OSBPL1A: variants seen among roughly 807,000 people sequenced by gnomAD.
OSBPL1A encodes oxysterol-binding protein-related protein 1.
Under a neutral mutation model 137.1 loss-of-function variants are expected in OSBPL1A, and 80 were observed. The observed-to-expected ratio is 0.58, with a 90% CI of 0.49 to 0.70. OSBPL1A has a LOEUF of 0.70. Among genes scored for constraint, OSBPL1A ranks in the 30% least tolerant of loss-of-function variants. OSBPL1A has a pLI of 0.00. For synonymous variants in OSBPL1A, 365 were observed against 389.7 expected (o/e 0.94, Z 0.75); for missense variants, 970 against 1,129.4 (o/e 0.86, Z 2.02).
chr18:24,379,336 A>G (rs1362764983), intron 1 of OSBPL1A, among the ~76,000 whole-genome samples: 2 of 152,168 alleles, frequency 1.3e-5, no homozygotes, highest in East Asian at 3.9e-4. Context: ...CCTGGACAAC[A>G]TGGTGAAACC....
At chr18:24,219,110 T>C (rs951949545) in intron 17 of OSBPL1A, among the ~76,000 whole-genome samples, 1 of 151,626 alleles carries the variant, frequency 6.6e-6, no homozygotes, top group Non-Finnish European at 1.5e-5. Context: ...CTGGGTAACA[T>C]AGCAAGGCCT....
rs558835262 is a variant in OSBPL1A, at chr18:24,294,049, AT to A, written c.1174+9587del. On this transcript the variant is annotated intron_variant, in intron 14 of 27. Coordinates refer to ENST00000319481, the MANE Select transcript of OSBPL1A (RefSeq NM_080597.4). Reference sequence around the variant, plus strand: ...TAAATAGAAGTGCTTTTCCTCTCAGATTTTTTTTTTCAGTTTTATTTTCTTG... The same window carrying A: ...TAAATAGAAGTGCTTTTCCTCTCAGATTTTTTTTTCAGTTTTATTTTCTTG... Among the ~76,000 whole-genome samples, 85 of 149,474 alleles carry A rather than the reference AT, an allele frequency of 5.7e-4. 2 individuals carry two copies. The highest frequency in any genetic ancestry group is 4.7e-3 in the East Asian group (24 of 5,118).
In OSBPL1A at chr18:24,322,101, T is replaced by C. The variant is rs59178270; in HGVS notation, c.626-3292A>G. 3.3e-3 allele frequency among the ~76,000 whole-genome samples: 463 copies of C among 141,044 alleles called. 3 individuals carry two copies. The highest frequency in any genetic ancestry group is 0.011 in the African/African-American group (431 of 38,790). 92.5% of individuals were successfully genotyped at this position (141,044 alleles called of 152,430 possible). A position where few individuals can be genotyped will look rare whatever the true frequency, so the allele number is the denominator to read the frequency against. The stretch of plus-strand genomic sequence containing the variant: ...ATCATTTTTAACATAGAGAGAAATA[T>C]GTGACTTTTTTTTTTTTTTTTTTTT... On this transcript the variant is annotated intron_variant, in intron 7 of 27. Transcript: ENST00000319481.
chr18:24,316,817 T>C lies in OSBPL1A; in HGVS notation c.870+332A>G, dbSNP rs114893897. ...ACAACAATAGCAAAACAACCAACAA[T>C]AATAGCAAAATACACATTCTTTTCA... On this transcript the variant is annotated intron_variant, in intron 11 of 27. Coordinates refer to ENST00000319481, the MANE Select transcript of OSBPL1A (RefSeq NM_080597.4). 3.4e-3 allele frequency among the ~76,000 whole-genome samples: 525 copies of C among 152,246 alleles called. 2 individuals carry two copies. The highest frequency in any genetic ancestry group is 0.012 in the African/African-American group (507 of 41,544).
chr18:24,321,171 T>C (rs1480202151), intron 7 of OSBPL1A, among the ~76,000 whole-genome samples: 3 of 152,172 alleles, frequency 2.0e-5, no homozygotes, highest in Non-Finnish European at 4.4e-5. Context: ...AATAGCCCCA[T>C]TGAGATACAA....
intron 15 of OSBPL1A, among the ~76,000 whole-genome samples, chr18:24,261,354 A>C (rs959336325): frequency 1.3e-5 from 2 of 152,214 alleles, no homozygotes; most frequent in African/African-American, 4.8e-5. Context: ...CAGTTTCACT[A>C]GTGCAAGCAC....
intron 17 of OSBPL1A, among the ~76,000 whole-genome samples, chr18:24,220,320 C>T (rs772381741): frequency 1.3e-5 from 2 of 152,218 alleles, no homozygotes; most frequent in East Asian, 1.9e-4. Flanking sequence ...TCTCTTTTCT[C>T]GCTTGGGAGA....
chr18:24,201,930 T>C (rs1357757749), intron 17 of OSBPL1A, among the ~76,000 whole-genome samples: 3 of 152,106 alleles, frequency 2.0e-5, no homozygotes, highest in East Asian at 1.9e-4. Flanking sequence ...AGAGGCCCTC[T>C]GAAAAAAAGA....
intron 17 of OSBPL1A, among the ~76,000 whole-genome samples, chr18:24,219,522 T>C (rs1166689344): frequency 1.3e-5 from 2 of 152,168 alleles, no homozygotes; most frequent in African/African-American, 4.8e-5. Flanking sequence ...TCTTTGCTAT[T>C]TGGTTGATTT....
chr18:24,362,268 C>G (rs895872440), intron 4 of OSBPL1A, among the ~76,000 whole-genome samples: 1 of 152,048 alleles, frequency 6.6e-6, no homozygotes, highest in African/African-American at 2.4e-5. Context: ...AAGTAGTTCA[C>G]GTAGTCAGGC....
chr18:24,306,128 C>T (rs1413311932), intron 13 of OSBPL1A, among the ~76,000 whole-genome samples: 1 of 152,168 alleles, frequency 6.6e-6, no homozygotes. Flanking sequence ...AGTATTTTAA[C>T]TTTGCCCAAG....
intron 7 of OSBPL1A, among the ~76,000 whole-genome samples, chr18:24,319,663 A>C (rs2090805326): frequency 1.3e-5 from 2 of 151,910 alleles, no homozygotes; most frequent in Non-Finnish European, 2.9e-5. Context: ...CAGGACATTA[A>C]ATGAAGGACA....
Position 24,239,212 on chromosome 18 carries a change from A to C in OSBPL1A, c.1444+8T>G. 4 of 1,612,748 alleles carry C rather than the reference A, an allele frequency of 2.5e-6. No homozygotes were observed. The highest frequency in any genetic ancestry group is 3.4e-6 in the Non-Finnish European group (4 of 1,179,462). On this transcript the variant is annotated splice_region_variant and intron_variant, in intron 16 of 27. Transcript: ENST00000319481. ...CCAACAATGCAGAGGGAAGGATCCC[A>C]GAGTTACCTGACAGCGCATCATAGA...
chr18:24,193,391 G>A (rs911578188), intron 18 of OSBPL1A, among the ~76,000 whole-genome samples: 3 of 151,662 alleles, frequency 2.0e-5, no homozygotes, highest in African/African-American at 7.3e-5. Context: ...GGGAGGCTGA[G>A]GCAGGAGAAT....
chr18:24,203,436 A>G (rs891665732), intron 17 of OSBPL1A, among the ~76,000 whole-genome samples: 34 of 152,180 alleles, frequency 2.2e-4, no homozygotes, highest in African/African-American at 8.2e-4. Flanking sequence ...CATTTTTTAA[A>G]TTGAAATATT....
chr18:24,318,099 C>T (rs1211292648), intron 9 of OSBPL1A, among the ~76,000 whole-genome samples: 1 of 152,078 alleles, frequency 6.6e-6, no homozygotes, highest in Non-Finnish European at 1.5e-5. Context: ...GGACCATCAA[C>T]ACACAGAAAA....
At chr18:24,188,462 T>G (rs1194296795) in intron 18 of OSBPL1A, among the ~76,000 whole-genome samples, 1 of 152,262 alleles carries the variant, frequency 6.6e-6, no homozygotes, top group Non-Finnish European at 1.5e-5. Context: ...TAGATTTATT[T>G]TTTAATCATT....
intron 7 of OSBPL1A, chr18:24,321,664 T>C (rs34481824): frequency 0.14 from 70,855 of 518,866 alleles, 5,390 homozygotes; most frequent in Middle Eastern, 0.18. Flanking sequence ...TGGGTATGTA[T>C]GAATAAAATG....
intron 5 of OSBPL1A, among the ~76,000 whole-genome samples, chr18:24,337,618 G>A (rs537702788): frequency 2.7e-5 from 4 of 150,042 alleles, no homozygotes; most frequent in African/African-American, 9.8e-5. Context: ...CTGAGGAATT[G>A]TTTCAGATAA....
Sources: gnomAD v4.1 joint callset for allele counts (sites outside exome capture counted in the v4.1 genomes callset) on GRCh38, gnomAD v4.1.1 for gene constraint, MANE v1.5 for transcripts, NCBI Gene and HGNC (gene_info 2026-07-23, HGNC 2026-07-21) for gene names.